The following CSNK1E variants were observed in gnomAD, a reference collection of about 807,000 sequenced individuals.
The protein encoded by CSNK1E is casein kinase I isoform epsilon.
CSNK1E carries 17 observed loss-of-function variants against 46.1 expected under a neutral mutation model. The observed-to-expected ratio is 0.37, with a 90% confidence interval of 0.25 to 0.55. The LOEUF (loss-of-function observed/expected upper bound fraction) is 0.55. CSNK1E is among the 20% of genes least tolerant of loss of function. The probability of loss-of-function intolerance (pLI) is 0.82; values close to 1 mark genes in which losing one functional copy is unlikely to be tolerated. For missense variants in CSNK1E, 386 were observed against 595.4 expected (o/e 0.65, Z 3.66); for synonymous variants, 241 against 242.6 (o/e 0.99, Z 0.06).
At chr22:38,293,214 G>C in intron 10 of CSNK1E, 41 bp downstream of exon 10, 1 of 1,546,190 alleles carries the variant, frequency 6.5e-7, no homozygotes, top group Non-Finnish European at 8.9e-7. Context: ...GAGCTTCTAG[G>C]TCGGCTGGGC....
chr22:38,316,915 C>G (rs1225031753), intron 1 of CSNK1E: 1 of 151,984 alleles, frequency 6.6e-6, no homozygotes, highest in African/African-American at 2.4e-5. Flanking sequence ...GGAGGCAGGC[C>G]GGCCGGGGGG....
In CSNK1E at chr22:38,294,174, G is replaced by A. The variant is rs2092627028; in HGVS notation, c.1153C>T (p.Pro385Ser). 2 of 1,612,132 alleles carry A rather than the reference G, an allele frequency of 1.2e-6. No individual in the cohort carries two copies. Among genetic ancestry groups the A allele is most frequent in the Non-Finnish European group, 1.7e-6 (2 of 1,179,792 alleles). Reference sequence around the variant, plus strand: ...AGGTCTGAGGAGGAGACGTTGGCGGGCGCACCCCTGTGCAGCCTCATACTC... The same window carrying A: ...AGGTCTGAGGAGGAGACGTTGGCGGACGCACCCCTGTGCAGCCTCATACTC... Reference protein sequence around the residue: ...KVSMRLHRGAPANVSSSDLTG... With the variant: ...KVSMRLHRGASANVSSSDLTG... Residue 385 changes from proline to serine, a missense_variant, in exon 9 of 11, where the codon CCC becomes TCC. Coordinates refer to ENST00000396832, the MANE Select transcript of CSNK1E (RefSeq NM_152221.3). This position sits in a 1 kb window ranked among gnomAD's most constrained non-coding sequence, Gnocchi z 5.5.
At position 38,298,742 on chromosome 22, in the gene CSNK1E, C is replaced by G; in HGVS notation, c.885+44G>C. On this transcript the variant is annotated intron_variant, in intron 7 of 10. Coordinates refer to ENST00000396832, the MANE Select transcript of CSNK1E (RefSeq NM_152221.3). The surrounding 1 kb of genome is among the most constrained non-coding windows in gnomAD (Gnocchi z 4.2). ...TCTGGCCCTCTGAGTCAGGGCCTTCCCCATCCAGTCCCCCAAGCCCGCCTT... is the reference window on the plus strand; with the variant it reads ...TCTGGCCCTCTGAGTCAGGGCCTTCGCCATCCAGTCCCCCAAGCCCGCCTT... 1 of 1,611,206 alleles carries G rather than the reference C, an allele frequency of 6.2e-7. No individual in the cohort carries two copies. The highest frequency in any genetic ancestry group is 1.1e-5 in the South Asian group (1 of 90,912).
chr22:38,298,845 G>T lies in CSNK1E; in HGVS notation c.826C>A (p.Leu276Ile). 1 of 1,614,212 alleles carries T rather than the reference G, an allele frequency of 6.2e-7. No individual in the cohort carries two copies. Among genetic ancestry groups the T allele is most frequent in the Non-Finnish European group, 8.5e-7 (1 of 1,180,040 alleles). The change falls in exon 7 of 11, where the codon CTC becomes ATC. Residue 276 changes from leucine (L) to isoleucine (I), a missense_variant. This residue lies in a region of CSNK1E where 212 missense variants were observed against 410.2 expected (regional missense o/e 0.52). Coordinates refer to ENST00000396832, the MANE Select transcript of CSNK1E (RefSeq NM_152221.3). The surrounding 1 kb of genome is among the most constrained non-coding windows in gnomAD (Gnocchi z 4.2). Reference protein sequence around the residue: ...YSYLRQLFRNLFHRQGFSYDY... With the variant: ...YSYLRQLFRNIFHRQGFSYDY... ...TAGGAGAAGCCCTGCCGGTGGAAGA[G>T]GTTGCGGAAGAGCTGACGTAGGTAA...
chr22:38,297,733 G>A (rs2092648485), intron 7 of CSNK1E: 3 of 995,970 alleles, frequency 3.0e-6, no homozygotes, highest in Non-Finnish European at 3.6e-6. Context: ...CCTCCCTCAG[G>A]CTGTCCTGGC....
At chr22:38,296,816 G>T (rs2092643209) in intron 7 of CSNK1E, 5 of 1,125,182 alleles carry the variant, frequency 4.4e-6, no homozygotes, top group South Asian at 3.0e-5. Context: ...CGGATGTGGT[G>T]GCCACTGGAG....
chr22:38,307,872 T>G (rs927897966), intron 2 of CSNK1E, among the ~76,000 whole-genome samples: 1 of 152,178 alleles, frequency 6.6e-6, no homozygotes. Flanking sequence ...ATTTTTGTAT[T>G]TTTTGTAGAC....
At chr22:38,304,200 C>G (rs539387470) in intron 2 of CSNK1E, among the ~76,000 whole-genome samples, 2 of 152,254 alleles carry the variant, frequency 1.3e-5, no homozygotes, top group East Asian at 3.9e-4. Flanking sequence ...AGGACACAAA[C>G]AGGCCAGAAC....
chr22:38,298,207 T>G lies in CSNK1E; in HGVS notation c.885+579A>C. 7.7e-7 allele frequency: 1 copy of G among 1,303,738 alleles called. No individual in the cohort carries two copies. Among genetic ancestry groups the G allele is most frequent in the Non-Finnish European group, 1.0e-6 (1 of 988,814 alleles). The allele number at this position is 1,303,738 out of a possible 1,614,324, so 80.8% of individuals were successfully genotyped here. ...GAGCCTGGCTCGAGGAAGCCCCCTT[T>G]TCCAGAAGAGATGTGAAACAAGACA... On this transcript the variant is annotated intron_variant, in intron 7 of 10. Coordinates refer to ENST00000396832, the MANE Select transcript of CSNK1E (RefSeq NM_152221.3). This position sits in a 1 kb window ranked among gnomAD's most constrained non-coding sequence, Gnocchi z 4.2.
At chr22:38,293,496 A>C (rs1602538648) in intron 9 of CSNK1E, among the ~76,000 whole-genome samples, 177 bp from the exon 10 acceptor site, 1 of 143,356 alleles carries the variant, frequency 7.0e-6, no homozygotes, top group East Asian at 2.1e-4. Flanking sequence ...GTGTGATTCC[A>C]GTGACTCTAA....
chr22:38,317,224 C>A lies in CSNK1E; in HGVS notation c.-77G>T. The stretch of plus-strand genomic sequence containing the variant: ...GGCTGCCGCGGGCGGGGGCGGCCCG[C>A]CGGGGCGGATGCCGGAGGATTCGCG... On this transcript the variant is annotated 5_prime_UTR_variant, in exon 1 of 11. Coordinates refer to ENST00000396832, the MANE Select transcript of CSNK1E (RefSeq NM_152221.3). 1 of 149,838 alleles carries A rather than the reference C, an allele frequency of 6.7e-6. No homozygotes were observed. Among genetic ancestry groups the A allele is most frequent in the Non-Finnish European group, 1.5e-5 (1 of 66,968 alleles). 9.3% of individuals were successfully genotyped at this position (149,838 alleles called of 1,614,324 possible).
In CSNK1E at chr22:38,299,017, C is replaced by T. The variant is rs1018315080; in HGVS notation, c.737-83G>A. 4 of 1,481,044 alleles carry T rather than the reference C, an allele frequency of 2.7e-6. No individual in the cohort carries two copies. The African/African-American group carries it at 5.6e-5, about 21-fold the overall frequency. 91.7% of individuals were successfully genotyped at this position (1,481,044 alleles called of 1,614,324 possible). Reference sequence around the variant, plus strand: ...CCTGCAGCCAGCACTGTCCTAGCCACCCACTGTCCCTAGATACTTCCAATC... The same window carrying T: ...CCTGCAGCCAGCACTGTCCTAGCCATCCACTGTCCCTAGATACTTCCAATC... On this transcript the variant is annotated intron_variant, in intron 6 of 10. Coordinates refer to ENST00000396832, the MANE Select transcript of CSNK1E (RefSeq NM_152221.3).
intron 1 of CSNK1E, 178 bp downstream of exon 1, chr22:38,316,982 C>T (rs1275700474): frequency 6.6e-6 from 1 of 152,078 alleles, no homozygotes; most frequent in African/African-American, 2.4e-5. Flanking sequence ...CCAGCCGCGC[C>T]TTTGTCCTCG....
At chr22:38,306,314 T>C (rs1211297809) in intron 2 of CSNK1E, among the ~76,000 whole-genome samples, 2 of 152,210 alleles carry the variant, frequency 1.3e-5, no homozygotes, top group Non-Finnish European at 2.9e-5. Flanking sequence ...GTGTTATAAG[T>C]TGCAATTTCT....
At chr22:38,304,425 C>T (rs1305285124) in intron 2 of CSNK1E, among the ~76,000 whole-genome samples, 1 of 152,154 alleles carries the variant, frequency 6.6e-6, no homozygotes, top group Non-Finnish European at 1.5e-5. Flanking sequence ...TGAGTTGGCA[C>T]AGCCCCTGTG....
chr22:38,301,589 C>T (rs1342517572), intron 4 of CSNK1E, among the ~76,000 whole-genome samples: 2 of 152,156 alleles, frequency 1.3e-5, no homozygotes, highest in African/African-American at 4.8e-5. Flanking sequence ...CGCGCCACCA[C>T]ACCTGGCTAA....
chr22:38,300,738 G>A lies in CSNK1E; in HGVS notation c.551C>T (p.Thr184Met). 3.7e-6 allele frequency: 6 copies of A among 1,614,168 alleles called. No homozygotes were observed. The highest frequency in any genetic ancestry group is 3.4e-6 in the Non-Finnish European group (4 of 1,179,998). The change falls in exon 5 of 11, where the codon ACG becomes ATG. Residue 184 changes from threonine (T) to methionine (M), a missense_variant. Coordinates refer to ENST00000396832, the MANE Select transcript of CSNK1E (RefSeq NM_152221.3). The surrounding 1 kb of genome is among the most constrained non-coding windows in gnomAD (Gnocchi z 4.4). ...TGTARYASIN[T>M]HLGIEQSRRD... ...GGCTCCCTCACCAATGCCCAGGTGCGTGTTGATGGAAGCGTAGCGGGCCGT... is the reference window on the plus strand; with the variant it reads ...GGCTCCCTCACCAATGCCCAGGTGCATGTTGATGGAAGCGTAGCGGGCCGT...
chr22:38,312,883 C>T (rs920754840), intron 2 of CSNK1E, among the ~76,000 whole-genome samples: 9 of 152,202 alleles, frequency 5.9e-5, no homozygotes, highest in African/African-American at 1.7e-4. Flanking sequence ...CTGTCTTCCA[C>T]GCTCTCACTC....
chr22:38,313,775 G>A (rs185614134), intron 2 of CSNK1E, among the ~76,000 whole-genome samples: 19 of 152,278 alleles, frequency 1.2e-4, no homozygotes, highest in East Asian at 3.9e-4. Context: ...TGTGAACCCC[G>A]CCTGGGTTTT....
Sources: allele counts gnomAD v4.1 joint callset (sites outside exome capture counted in the v4.1 genomes callset), GRCh38; gene constraint gnomAD v4.1.1; regional missense constraint gnomAD v4.1.1; non-coding constraint Gnocchi (gnomAD v3.1); transcripts MANE v1.5; gene names NCBI Gene and HGNC (gene_info 2026-07-23, HGNC 2026-07-21).